TENM3: variants seen among roughly 807,000 people sequenced by gnomAD.
The protein encoded by TENM3 is teneurin-3.
TENM3 carries 63 observed loss-of-function variants against 255.1 expected under a neutral mutation model. That is an observed-to-expected ratio of 0.25 (90% CI 0.20 to 0.30). TENM3 has a LOEUF of 0.30. Among genes scored for constraint, TENM3 ranks in the 10% least tolerant of loss-of-function variants. TENM3 has a pLI of 1.00. For synonymous variants in TENM3, 1,306 were observed against 1,322.3 expected (o/e 0.99, Z 0.27); for missense variants, 2,929 against 3,461.1 (o/e 0.85, Z 3.86).
At chr4:182,765,688 G>A (rs1030803649) in intron 22 of TENM3, among the ~76,000 whole-genome samples, 2 of 152,072 alleles carry the variant, frequency 1.3e-5, no homozygotes, top group Non-Finnish European at 2.9e-5. Flanking sequence ...CCTGGGTTCC[G>A]GTCGCGATTG....
At chr4:181,850,901 G>C in the TENM3 span, among the ~76,000 whole-genome samples, 1 of 151,734 alleles carries the variant, frequency 6.6e-6, no homozygotes, top group Non-Finnish European at 1.5e-5. Flanking sequence ...CATTCCACAC[G>C]TCCAAAACTA....
intron 2 of TENM3, among the ~76,000 whole-genome samples, chr4:182,334,937 G>A (rs1764002742): frequency 6.6e-6 from 1 of 152,068 alleles, no homozygotes. Context: ...TATAAAACAC[G>A]AAGTCCAGAG....
the TENM3 span, among the ~76,000 whole-genome samples, chr4:181,499,034 C>T: frequency 6.6e-6 from 1 of 152,180 alleles, no homozygotes; most frequent in Admixed American, 6.5e-5. Context: ...TTCCATTCTA[C>T]TCTGGTTTAA....
At chr4:182,412,759 G>A (rs1770083921) in intron 3 of TENM3, among the ~76,000 whole-genome samples, 1 of 151,738 alleles carries the variant, frequency 6.6e-6, no homozygotes, top group South Asian at 2.1e-4. Flanking sequence ...CAGCTACTCG[G>A]GAAGCTTAGG....
the TENM3 span, among the ~76,000 whole-genome samples, chr4:181,736,534 G>A: frequency 1.3e-4 from 20 of 151,872 alleles, 2 homozygotes; most frequent in South Asian, 4.2e-3. Flanking sequence ...TTCTCTGAAT[G>A]AGTTAGCTAA....
chr4:181,695,094 T>A, the TENM3 span, among the ~76,000 whole-genome samples: 1 of 152,210 alleles, frequency 6.6e-6, no homozygotes, highest in Admixed American at 6.5e-5. Context: ...CTTATCATTC[T>A]GTTTGTTATA....
the TENM3 span, among the ~76,000 whole-genome samples, chr4:181,799,019 G>A: frequency 2.0e-4 from 30 of 152,232 alleles, no homozygotes; most frequent in African/African-American, 5.8e-4. Flanking sequence ...AAATGTAGAC[G>A]GCCGCTTATG....
the TENM3 span, among the ~76,000 whole-genome samples, chr4:181,478,116 T>A: frequency 6.6e-6 from 1 of 152,198 alleles, no homozygotes; most frequent in African/African-American, 2.4e-5. Context: ...GGACAGAGCT[T>A]ATAAATGAGC....
At chr4:182,372,073 T>G (rs1024407714) in intron 3 of TENM3, among the ~76,000 whole-genome samples, 1 of 152,216 alleles carries the variant, frequency 6.6e-6, no homozygotes, top group African/African-American at 2.4e-5. Context: ...TTATGCAAAC[T>G]CTCATTAACA....
intron 3 of TENM3, among the ~76,000 whole-genome samples, chr4:182,444,417 C>G (rs1275075997): frequency 1.3e-5 from 2 of 151,918 alleles, no homozygotes; most frequent in Non-Finnish European, 2.9e-5. Flanking sequence ...CTTTGATATG[C>G]TTTTAAAAAT....
chr4:182,165,398 A>G (rs1200495080), intron 1 of TENM3, among the ~76,000 whole-genome samples: 1 of 152,194 alleles, frequency 6.6e-6, no homozygotes, highest in Non-Finnish European at 1.5e-5. Context: ...CACTTTGGAA[A>G]GACTTCAGGT....
chr4:181,987,258 CCAT>C, the TENM3 span, among the ~76,000 whole-genome samples: 1 of 152,102 alleles, frequency 6.6e-6, no homozygotes, highest in East Asian at 1.9e-4. Context: ...CCTGCTCCTT[CCAT>C]CATCCCAAGC....
chr4:181,478,764 T>C, the TENM3 span, among the ~76,000 whole-genome samples: 7 of 152,224 alleles, frequency 4.6e-5, no homozygotes, highest in Admixed American at 4.6e-4. Context: ...TAAGCCATTC[T>C]GTTCCTTGCC....
the TENM3 span, among the ~76,000 whole-genome samples, chr4:181,605,801 C>G: frequency 6.6e-6 from 1 of 152,100 alleles, no homozygotes; most frequent in African/African-American, 2.4e-5. Flanking sequence ...CCCTAATTGT[C>G]CAAAAACAAG....
At chr4:182,280,414 G>T (rs1487418203) in intron 1 of TENM3, among the ~76,000 whole-genome samples, 1 of 152,160 alleles carries the variant, frequency 6.6e-6, no homozygotes, top group African/African-American at 2.4e-5. Flanking sequence ...TAATCACTGA[G>T]ATTTATATAT....
At chr4:182,589,539 A>T (rs1278946124) in intron 3 of TENM3, among the ~76,000 whole-genome samples, 1 of 151,272 alleles carries the variant, frequency 6.6e-6, no homozygotes, top group East Asian at 1.9e-4. Context: ...GGGAAGACAA[A>T]TTGCTGCTTT....
chr4:182,543,762 A>AT (rs577082994), intron 3 of TENM3, among the ~76,000 whole-genome samples: 5,875 of 149,360 alleles, frequency 0.039, 212 homozygotes, highest in East Asian at 0.096. Context: ...AGAAAAGTAT[A>AT]TTTTTTTTTT....
intron 3 of TENM3, among the ~76,000 whole-genome samples, chr4:182,561,271 T>C (rs962325542): frequency 2.0e-5 from 3 of 151,790 alleles, no homozygotes; most frequent in East Asian, 1.9e-4. Flanking sequence ...AAATTATAAA[T>C]ATATAAATAT....
upstream of TENM3, among the ~76,000 whole-genome samples, chr4:182,240,060 C>T (rs970206530): frequency 1.3e-5 from 2 of 152,086 alleles, no homozygotes; most frequent in Non-Finnish European, 2.9e-5. Flanking sequence ...AGTTAAGCAG[C>T]ATTTTTTGCT....
Sources: gnomAD v4.1 joint callset for allele counts (sites outside exome capture counted in the v4.1 genomes callset) on GRCh38, gnomAD v4.1.1 for gene constraint, MANE v1.5 for transcripts, NCBI Gene and HGNC (gene_info 2026-07-23, HGNC 2026-07-21) for gene names.